Variants in DPM1 observed in about 807,000 individuals in gnomAD.
DPM1 encodes dolichyl-phosphate mannosyltransferase subunit 1, catalytic.
Under a neutral mutation model 39.0 loss-of-function variants are expected in DPM1, and 27 were observed. The ratio of observed to expected loss-of-function variants is 0.69; its 90% CI spans 0.51 to 0.95. The LOEUF is 0.95. DPM1 is among the 40% of genes least tolerant of loss of function. DPM1 has a pLI of 0.00. For synonymous variants in DPM1, 124 were observed against 109.0 expected, an observed-to-expected ratio of 1.14 and a Z score of -0.86; for missense variants, 307 against 315.6, an observed-to-expected ratio of 0.97 and a Z score of 0.21.
At chr20:50,955,338 A>G (rs546772139) in intron 1 of DPM1, 53 bp from the exon 2 acceptor site, 2 of 1,301,894 alleles carry the variant, frequency 1.5e-6, no homozygotes, top group East Asian at 2.4e-5. Context: ...TCAAATTTAA[A>G]AGTAATTTAA....
In DPM1 at chr20:50,958,353, G is replaced by A. The variant is rs779869066; in HGVS notation, c.161+10C>T. 1.6e-5 allele frequency: 26 copies of A among 1,612,770 alleles called. No individual in the cohort carries two copies. The Middle Eastern group carries it at 2.5e-3, about 153-fold the overall frequency. On this transcript the variant is annotated intron_variant, in intron 1 of 8. Transcript: ENST00000371588. ...TCTCATTCTTCGGGGAGGGAGACCT[G>A]GTGCGCTACCTCTCGGAGAAGCTTT...
chr20:50,953,420 C>A (rs1986679981), intron 2 of DPM1, among the ~76,000 whole-genome samples: 1 of 152,232 alleles, frequency 6.6e-6, no homozygotes, highest in Non-Finnish European at 1.5e-5. Flanking sequence ...GGTATTCTAA[C>A]ATGGTTTCAA....
At chr20:50,949,648 G>C (rs763220894) in intron 2 of DPM1, among the ~76,000 whole-genome samples, 8 of 152,156 alleles carry the variant, frequency 5.3e-5, no homozygotes, top group Non-Finnish European at 1.0e-4. Flanking sequence ...GGTTCAGGGA[G>C]ACTCATTAGT....
intron 3 of DPM1, 92 bp downstream of exon 3, chr20:50,948,537 A>T: frequency 8.6e-7 from 1 of 1,156,230 alleles, no homozygotes; most frequent in African/African-American, 1.5e-5. Flanking sequence ...AAGTTACTGT[A>T]TTTTGGCCCT....
intron 6 of DPM1, chr20:50,941,340 GTAT>G (rs969804405): frequency 1.0e-5 from 1 of 97,210 alleles, no homozygotes; most frequent in Non-Finnish European, 1.7e-5. Flanking sequence ...ATATATATTC[GTAT>G]TATATATATT....
At position 50,958,359 on chromosome 20, in the gene DPM1, C is replaced by A; in HGVS notation, c.161+4G>T. On this transcript the variant is annotated splice_donor_region_variant and intron_variant, in intron 1 of 8. Transcript: ENST00000371588. ...TCTTCGGGGAGGGAGACCTGGTGCG[C>A]TACCTCTCGGAGAAGCTTTTCACCA... 1.2e-6 allele frequency: 2 copies of A among 1,613,252 alleles called. No homozygotes were observed. Among genetic ancestry groups the A allele is most frequent in the Non-Finnish European group, 1.7e-6 (2 of 1,180,000 alleles).
intron 7 of DPM1, among the ~76,000 whole-genome samples, chr20:50,937,508 T>A (rs1466147827): frequency 1.6e-4 from 24 of 152,036 alleles, no homozygotes; most frequent in Non-Finnish European, 2.9e-5. Context: ...AATGAAGATA[T>A]ATAATATGTC....
intron 2 of DPM1, among the ~76,000 whole-genome samples, chr20:50,950,286 G>A (rs1026115293): frequency 6.6e-6 from 1 of 152,146 alleles, no homozygotes; most frequent in African/African-American, 2.4e-5. Context: ...GTCACAATTT[G>A]TATCTATAGC....
chr20:50,941,401 TTATA>T (rs1218650307), intron 6 of DPM1, among the ~76,000 whole-genome samples: 3 of 143,686 alleles, frequency 2.1e-5, no homozygotes, highest in African/African-American at 5.1e-5. Context: ...TATATTCATA[TTATA>T]TATATATATT....
intron 2 of DPM1, among the ~76,000 whole-genome samples, chr20:50,951,365 T>C (rs1179368916): frequency 1.3e-5 from 2 of 152,228 alleles, no homozygotes; most frequent in African/African-American, 2.4e-5. Context: ...AGATGGCAGT[T>C]ATGTTTTAAA....
intron 1 of DPM1, among the ~76,000 whole-genome samples, chr20:50,957,549 C>CA (rs1226089257): frequency 2.6e-5 from 4 of 152,116 alleles, no homozygotes; most frequent in African/African-American, 9.6e-5. Flanking sequence ...AAGCAAAAGC[C>CA]AAAAAACAGA....
intron 1 of DPM1, among the ~76,000 whole-genome samples, chr20:50,955,551 C>T (rs970846667): frequency 6.6e-6 from 1 of 152,122 alleles, no homozygotes; most frequent in South Asian, 2.1e-4. Context: ...AAGAAAATCA[C>T]GTAATGACCT....
chr20:50,953,265 G>C (rs765476303), intron 2 of DPM1, among the ~76,000 whole-genome samples: 2 of 152,026 alleles, frequency 1.3e-5, no homozygotes, highest in Non-Finnish European at 2.9e-5. Context: ...TACCTAGTTA[G>C]GTCATTAAAA....
rs975894822 is a variant in DPM1 at position 50,942,094 on chromosome 20, G to A, written c.431C>T (p.Ser144Phe). ...KQKEGNFDIV[S>F]GTRYKGNGGV... is the part of the protein sequence containing the mutation. ...TCCATTTCCTTTGTAGCGAGTTCCA[G>A]AGACAATATCAAAATTACCCTCCTT... Residue 144 changes from serine (S) to phenylalanine (F), a missense_variant, in exon 6 of 9, where the codon TCT becomes TTT. By Grantham distance (155) the Ser-to-Phe change is radical. This residue lies in a region of DPM1 where 206 missense variants were observed against 188.2 expected (regional missense o/e 1.09). Transcript: ENST00000371588. 2 of 1,613,926 alleles carry A rather than the reference G, an allele frequency of 1.2e-6. No individual in the cohort carries two copies. Among genetic ancestry groups the A allele is most frequent in the Non-Finnish European group, 1.7e-6 (2 of 1,180,008 alleles).
At chr20:50,949,643 A>G (rs750708208) in intron 2 of DPM1, among the ~76,000 whole-genome samples, 36 of 152,216 alleles carry the variant, frequency 2.4e-4, no homozygotes, top group Non-Finnish European at 4.0e-4. Flanking sequence ...TATGGGGTTC[A>G]GGGAGACTCA....
chr20:50,958,330 T>C, intron 1 of DPM1, 33 bp downstream of exon 1: 1 of 1,609,980 alleles, frequency 6.2e-7, no homozygotes. Flanking sequence ...CCAGCTCATC[T>C]CATTCTTCGG....
chr20:50,946,070 A>G, intron 3 of DPM1, 147 bp from the exon 4 acceptor site: 1 of 731,990 alleles, frequency 1.4e-6, no homozygotes, highest in East Asian at 2.7e-5. Flanking sequence ...CACCTTAAGT[A>G]CATAAGTTCA....
At position 50,952,259 on chromosome 20, in the gene DPM1, CTA is replaced by C. The variant is rs1363453283; in HGVS notation, c.261+2925_261+2926del. On this transcript the variant is annotated intron_variant, in intron 2 of 8. Coordinates refer to ENST00000371588, the MANE Select transcript of DPM1 (RefSeq NM_003859.3). ...GCTTATAAAATACTTTTATGGGAAA[CTA>C]TAATTTGTTTGACAAGAACCTTTGT... Among the ~76,000 whole-genome samples the C allele has an allele frequency of 3.3e-5, 5 of 152,284 alleles. No individual in the cohort carries two copies. The East Asian group carries it at 9.6e-4, about 29-fold the overall frequency.
At chr20:50,951,148 C>T (rs1178090085) in intron 2 of DPM1, among the ~76,000 whole-genome samples, 1 of 152,174 alleles carries the variant, frequency 6.6e-6, no homozygotes, top group African/African-American at 2.4e-5. Flanking sequence ...AAAAAATCTT[C>T]TTGTACTGTA....
Sources: allele counts gnomAD v4.1 joint callset (sites outside exome capture counted in the v4.1 genomes callset), GRCh38; gene constraint gnomAD v4.1.1; regional missense constraint gnomAD v4.1.1; transcripts MANE v1.5; gene names NCBI Gene and HGNC (gene_info 2026-07-23, HGNC 2026-07-21).